CDC14A: variants seen among roughly 807,000 people sequenced by gnomAD.
CDC14A encodes dual specificity protein phosphatase CDC14A.
In CDC14A, 53 loss-of-function variants were observed where a neutral mutation model predicts 74.4. That is an observed-to-expected ratio of 0.71 (90% confidence interval 0.57 to 0.89). The LOEUF is 0.89. Ranked by LOEUF, CDC14A falls within the 40% of genes least tolerant of loss-of-function variation. CDC14A has a pLI of 0.00. For missense variants in CDC14A, 646 were observed against 713.7 expected, an observed-to-expected ratio of 0.91 and a Z score of 1.08; for synonymous variants, 247 against 258.4, an observed-to-expected ratio of 0.96 and a Z score of 0.43.
chr1:100,499,981 C>T (rs1441139631), intron 15 of CDC14A, among the ~76,000 whole-genome samples: 1 of 152,152 alleles, frequency 6.6e-6, no homozygotes, highest in East Asian at 1.9e-4. Flanking sequence ...CCAATGAGAT[C>T]TCTATTTAGG....
chr1:100,462,616 C>T lies in CDC14A; in HGVS notation c.608-35C>T, dbSNP rs185145477. 94 of 1,468,058 alleles carry T rather than the reference C, an allele frequency of 6.4e-5. 2 individuals are homozygous for T. In the Admixed American group the frequency reaches 1.2e-3, roughly 19 times the overall value. 90.9% of individuals were successfully genotyped at this position (1,468,058 alleles called of 1,614,324 possible). On this transcript the variant is annotated intron_variant, in intron 8 of 15. Coordinates refer to ENST00000336454, the MANE Select transcript of CDC14A (RefSeq NM_003672.4). ...TTTCTGGGTTGTGGAAGATGAAATG[C>T]ATGCCTTTTGCTTACTGCTCCTTTG...
intron 4 of CDC14A, among the ~76,000 whole-genome samples, chr1:100,422,961 A>G (rs1400370670): frequency 6.6e-6 from 1 of 152,188 alleles, no homozygotes; most frequent in Admixed American, 6.5e-5. Context: ...CATTCTTGTC[A>G]TTGAAATGCA....
intron 11 of CDC14A, among the ~76,000 whole-genome samples, chr1:100,492,680 T>C (rs1415863480): frequency 6.6e-6 from 1 of 152,238 alleles, no homozygotes; most frequent in Admixed American, 6.5e-5. Flanking sequence ...TAAATTTGCA[T>C]AGTTTTCTAT....
chr1:100,455,393 A>G lies in CDC14A; in HGVS notation c.520-12A>G. On this transcript the variant is annotated splice_polypyrimidine_tract_variant and intron_variant, in intron 7 of 15. Coordinates refer to ENST00000336454, the MANE Select transcript of CDC14A (RefSeq NM_003672.4). The stretch of plus-strand genomic sequence containing the variant: ...AATATTTTTCTTCTCTTTTCTTACA[A>G]AATTCTGCCAGCGAGTTGAAAATGG... 1 of 1,574,654 alleles carries G rather than the reference A, an allele frequency of 6.4e-7. No homozygotes were observed. The highest frequency in any genetic ancestry group is 8.7e-7 in the Non-Finnish European group (1 of 1,154,162).
rs1570930784 is a variant in CDC14A, at chr1:100,352,874, C to T, written c.-81C>T. 4 of 1,607,692 alleles carry T rather than the reference C, an allele frequency of 2.5e-6. No individual in the cohort carries two copies. The South Asian group carries it at 4.4e-5, about 18-fold the overall frequency. On this transcript the variant is annotated 5_prime_UTR_variant, in exon 1 of 16. Coordinates refer to ENST00000336454, the MANE Select transcript of CDC14A (RefSeq NM_003672.4). ...TTCGGGACTGTGAGCTTCCTGGCTC[C>T]TGGGCAGTGGGGAAGCCCCCGGGGG...
At chr1:100,420,063 C>CACACACATATATATAT in intron 4 of CDC14A, among the ~76,000 whole-genome samples, 17 of 61,588 alleles carry the variant, frequency 2.8e-4, no homozygotes, top group East Asian at 1.1e-3. Flanking sequence ...CACACACACA[C>CACACACATATATATAT]ATATATATAT....
intron 2 of CDC14A, among the ~76,000 whole-genome samples, chr1:100,365,383 G>A (rs28361193): frequency 0.12 from 18,141 of 152,190 alleles, 1,337 homozygotes; most frequent in Non-Finnish European, 0.16. Flanking sequence ...ACAGTTGAAT[G>A]GGTTTGTCCA....
chr1:100,347,184 G>A (rs896647403), intron 1 of CDC14A, among the ~76,000 whole-genome samples: 1 of 152,218 alleles, frequency 6.6e-6, no homozygotes, highest in African/African-American at 2.4e-5. Context: ...AGAAAAGGTT[G>A]TTGATACTAC....
At chr1:100,403,377 A>G (rs1196761174) in intron 4 of CDC14A, among the ~76,000 whole-genome samples, 4 of 152,212 alleles carry the variant, frequency 2.6e-5, no homozygotes, top group African/African-American at 9.6e-5. Context: ...ACTGCAAAAC[A>G]TAGCCATTGG....
At chr1:100,463,096 T>C (rs941249702) in intron 9 of CDC14A, among the ~76,000 whole-genome samples, 8 of 152,176 alleles carry the variant, frequency 5.3e-5, no homozygotes, top group Non-Finnish European at 1.0e-4. Context: ...TTTCTTGATA[T>C]GCCAGTTTTT....
chr1:100,462,294 C>T lies in CDC14A; in HGVS notation c.608-357C>T, dbSNP rs556421560. 16 of 247,494 alleles carry T rather than the reference C, an allele frequency of 6.5e-5. No individual in the cohort carries two copies. The South Asian group carries it at 8.2e-4, about 13-fold the overall frequency. 15.3% of individuals were successfully genotyped at this position (247,494 alleles called of 1,614,324 possible). ...TGTTTGTCAAGTAGAGAATAAAGCT[C>T]AAGAGAGAATAAAGTCACCATTCTA... On this transcript the variant is annotated intron_variant, in intron 8 of 15. Transcript: ENST00000336454.
intron 2 of CDC14A, among the ~76,000 whole-genome samples, chr1:100,362,893 C>T (rs1446345304): frequency 6.6e-6 from 1 of 152,168 alleles, no homozygotes; most frequent in Non-Finnish European, 1.5e-5. Flanking sequence ...GGAGCAGAGA[C>T]TTTAATAGGC....
At chr1:100,488,008 A>G (rs76164346) in intron 11 of CDC14A, among the ~76,000 whole-genome samples, 4 of 151,692 alleles carry the variant, frequency 2.6e-5, no homozygotes, top group Admixed American at 6.6e-5. Flanking sequence ...AGTTTCAGAG[A>G]AAAAAAAAGG....
intron 3 of CDC14A, among the ~76,000 whole-genome samples, chr1:100,384,362 C>A (rs1230492131): frequency 6.6e-6 from 1 of 152,112 alleles, no homozygotes; most frequent in Non-Finnish European, 1.5e-5. Context: ...TAAATTCCAC[C>A]TTTTATCTAC....
At chr1:100,390,020 T>G (rs1657462982) in intron 3 of CDC14A, among the ~76,000 whole-genome samples, 1 of 152,232 alleles carries the variant, frequency 6.6e-6, no homozygotes, top group Non-Finnish European at 1.5e-5. Context: ...TTTTCATGTT[T>G]AGCATGTGTA....
At chr1:100,359,188 C>T (rs1235469583) in intron 2 of CDC14A, among the ~76,000 whole-genome samples, 1 of 152,192 alleles carries the variant, frequency 6.6e-6, no homozygotes, top group African/African-American at 2.4e-5. Flanking sequence ...ACATGTATAG[C>T]CCTGTGCCAG....
intron 4 of CDC14A, among the ~76,000 whole-genome samples, chr1:100,417,434 G>A (rs1192977082): frequency 6.6e-6 from 1 of 152,210 alleles, no homozygotes; most frequent in Non-Finnish European, 1.5e-5. Flanking sequence ...ACAGTCATCT[G>A]TGGTGATTTG....
chr1:100,433,138 T>C (rs1663915903), intron 5 of CDC14A, among the ~76,000 whole-genome samples: 2 of 152,066 alleles, frequency 1.3e-5, no homozygotes, highest in Non-Finnish European at 2.9e-5. Context: ...CCTTGGCCTC[T>C]CAAAGGGATC....
In CDC14A at chr1:100,499,381, C is replaced by T. The variant is rs551223888; in HGVS notation, c.1755+119C>T. The T allele has an allele frequency of 2.7e-5, 44 of 1,605,100 alleles. No homozygotes were observed. In the Middle Eastern group the frequency reaches 5.0e-4, roughly 18 times the overall value. On this transcript the variant is annotated intron_variant, in intron 15 of 15. Transcript: ENST00000336454. ...AATAGTGCCAAGGAAGCCTTCTGAG[C>T]GATGCCTTCCCTCTGTGCTGTGAAA...
Sources: allele counts gnomAD v4.1 joint callset (sites outside exome capture counted in the v4.1 genomes callset), GRCh38; gene constraint gnomAD v4.1.1; transcripts MANE v1.5; gene names NCBI Gene and HGNC (gene_info 2026-07-23, HGNC 2026-07-21).